Variants in ACER1 observed in about 807,000 individuals in gnomAD.
The protein encoded by ACER1 is alkaline ceramidase 1, also known as CTB-180A7.3.
Under a neutral mutation model 24.9 loss-of-function variants are expected in ACER1, and 28 were observed. That is an observed-to-expected ratio of 1.13 (90% CI 0.83 to 1.54). The LOEUF (loss-of-function observed/expected upper bound fraction) is 1.54. ACER1 is among the 40% of genes most tolerant of loss of function. ACER1 has a pLI of 0.00. For missense variants in ACER1, 352 were observed against 349.3 expected, an observed-to-expected ratio of 1.01 and a Z score of -0.06; for synonymous variants, 132 against 131.4, an observed-to-expected ratio of 1.00 and a Z score of -0.03.
intron 1 of ACER1, among the ~76,000 whole-genome samples, chr19:6,316,063 G>C (rs2091601884): frequency 1.3e-5 from 2 of 152,136 alleles, no homozygotes; most frequent in Non-Finnish European, 2.9e-5. Context: ...GGGAGACAGA[G>C]GTTGCAGTGA....
rs181236039 is a variant in ACER1 at position 6,315,631 on chromosome 19, G to C, written c.94-3132C>G. ...CCTGATCCTGTGATCCACCCTCCTC[G>C]GCTTCCCAAAGTGCTGGGATTACAG... is the stretch of plus-strand genomic sequence containing the variant. On this transcript the variant is annotated intron_variant, in intron 1 of 5. Transcript: ENST00000301452. Among the ~76,000 whole-genome samples, 3 of 152,102 alleles carry C rather than the reference G, an allele frequency of 2.0e-5. No individual in the cohort carries two copies. In the East Asian group the frequency reaches 5.8e-4, roughly 29 times the overall value.
the ACER1 span, among the ~76,000 whole-genome samples, chr19:6,348,300 A>T: frequency 1.3e-5 from 2 of 151,634 alleles, no homozygotes; most frequent in African/African-American, 2.4e-5. Context: ...CCCTGTCTCT[A>T]CTAAAAATAC....
rs777382846 is a variant in ACER1, at chr19:6,309,758, C to A, written c.427G>T (p.Ala143Ser). 1 of 1,614,070 alleles carries A rather than the reference C, an allele frequency of 6.2e-7. No homozygotes were observed. The highest frequency in any genetic ancestry group is 2.2e-5 in the East Asian group (1 of 44,880). ...AGGGCAATGCTGTTGAGGGCGTAGGCGTTGACCGTGGGCCGCAGGAAGGAC... is the reference window on the plus strand; with the variant it reads ...AGGGCAATGCTGTTGAGGGCGTAGGAGTTGACCGTGGGCCGCAGGAAGGAC... ...LLSFLRPTVN[A>S]YALNSIALHI... The change falls in exon 4 of 6, where the codon GCC becomes TCC. Residue 143 changes from alanine to serine, a missense_variant. Ala to Ser is a moderately conservative substitution (Grantham distance 99). Coordinates refer to ENST00000301452, the MANE Select transcript of ACER1 (RefSeq NM_133492.3).
At chr19:6,338,641 G>A in the ACER1 span, among the ~76,000 whole-genome samples, 2 of 152,052 alleles carry the variant, frequency 1.3e-5, no homozygotes, top group Admixed American at 1.3e-4. Context: ...AGGCTTGAGT[G>A]CAGTGGTGCA....
intron 1 of ACER1, among the ~76,000 whole-genome samples, chr19:6,327,560 G>A (rs865944749): frequency 4.0e-5 from 6 of 150,282 alleles, no homozygotes; most frequent in African/African-American, 1.5e-4. Context: ...GCGAGACTCC[G>A]TCTCAAAATA....
chr19:6,344,934 C>T, the ACER1 span, among the ~76,000 whole-genome samples: 1 of 151,648 alleles, frequency 6.6e-6, no homozygotes, highest in Non-Finnish European at 1.5e-5. Context: ...GGCACGATCT[C>T]GGCTCACTGC....
intron 1 of ACER1, among the ~76,000 whole-genome samples, chr19:6,320,128 A>G (rs2091622856): frequency 6.6e-6 from 1 of 151,390 alleles, no homozygotes; most frequent in Non-Finnish European, 1.5e-5. Context: ...AAAGGAAAGA[A>G]AGAAAAGTTT....
At chr19:6,348,337 C>T in the ACER1 span, among the ~76,000 whole-genome samples, 40 of 151,302 alleles carry the variant, frequency 2.6e-4, no homozygotes, top group Middle Eastern at 3.4e-3. Context: ...TGGTGGCACG[C>T]GCCTGTAATC....
the ACER1 span, among the ~76,000 whole-genome samples, chr19:6,347,224 C>T: frequency 0.21 from 24,296 of 118,228 alleles, 3,252 homozygotes; most frequent in African/African-American, 0.42. Flanking sequence ...TTTTCTTTTT[C>T]TTTTTTTTTT....
At chr19:6,325,144 C>T (rs2091654782) in intron 1 of ACER1, among the ~76,000 whole-genome samples, 2 of 152,288 alleles carry the variant, frequency 1.3e-5, no homozygotes, top group South Asian at 2.1e-4. Flanking sequence ...GCTGACCCCA[C>T]ATCATGACTC....
intron 1 of ACER1, among the ~76,000 whole-genome samples, chr19:6,333,046 G>T (rs549809102): frequency 6.6e-6 from 1 of 152,184 alleles, no homozygotes; most frequent in Non-Finnish European, 1.5e-5. Context: ...GGGTACAGCT[G>T]CAAACAAGAC....
chr19:6,310,047 A>G (rs1271083194), intron 3 of ACER1, among the ~76,000 whole-genome samples: 1 of 151,468 alleles, frequency 6.6e-6, no homozygotes, highest in South Asian at 2.1e-4. Flanking sequence ...GGATCACCTG[A>G]GGTCAGGAGT....
At chr19:6,357,042 CTTTTT>C in the ACER1 span, among the ~76,000 whole-genome samples, 3 of 124,510 alleles carry the variant, frequency 2.4e-5, no homozygotes, top group African/African-American at 9.4e-5. Context: ...TGAGCTGAGA[CTTTTT>C]TTTTTTTTTT....
chr19:6,346,228 G>A, the ACER1 span, among the ~76,000 whole-genome samples: 1 of 151,996 alleles, frequency 6.6e-6, no homozygotes, highest in Admixed American at 6.6e-5. Flanking sequence ...ATTTAAATGA[G>A]CCTCCTGTAT....
At chr19:6,347,864 G>C in the ACER1 span, among the ~76,000 whole-genome samples, 1 of 151,628 alleles carries the variant, frequency 6.6e-6, no homozygotes, top group Non-Finnish European at 1.5e-5. Flanking sequence ...TATTAGGGCA[G>C]GTCCTTGTCC....
intron 1 of ACER1, among the ~76,000 whole-genome samples, chr19:6,319,831 G>A (rs2091621296): frequency 6.6e-6 from 1 of 152,024 alleles, no homozygotes; most frequent in Admixed American, 6.6e-5. Context: ...TACAGAAGGG[G>A]CCAGGCGCAG....
At position 6,316,244 on chromosome 19, in the gene ACER1, G is replaced by A. The variant is rs117772548; in HGVS notation, c.94-3745C>T. Among the ~76,000 whole-genome samples the A allele has an allele frequency of 1.7e-3, 253 of 152,280 alleles. 1 individual carries two copies. In the East Asian group the frequency reaches 0.019, roughly 11 times the overall value. ...AGGACAAGAGTTCGCAACCAGCCTG[G>A]GCAACATAGTGAGACCCCACCTCCA... is the stretch of plus-strand genomic sequence containing the variant. On this transcript the variant is annotated intron_variant, in intron 1 of 5. Transcript: ENST00000301452.
At chr19:6,337,237 T>A (rs2091717822), upstream of ACER1, among the ~76,000 whole-genome samples, 1 of 151,994 alleles carries the variant, frequency 6.6e-6, no homozygotes, top group African/African-American at 2.4e-5. Context: ...TTTCCAATAT[T>A]TGGAGAAGAG....
At chr19:6,339,890 C>T in the ACER1 span, among the ~76,000 whole-genome samples, 14 of 151,986 alleles carry the variant, frequency 9.2e-5, no homozygotes, top group Admixed American at 7.2e-4. Context: ...TGGTCTTGAT[C>T]TCCTGACCTC....
Sources: allele counts gnomAD v4.1 joint callset (sites outside exome capture counted in the v4.1 genomes callset), GRCh38; gene constraint gnomAD v4.1.1; transcripts MANE v1.5; gene names NCBI Gene and HGNC (gene_info 2026-07-23, HGNC 2026-07-21).